Variants in PATJ observed in about 807,000 individuals in gnomAD.
PATJ encodes the protein inaD-like protein.
Under a neutral mutation model 224.9 loss-of-function variants are expected in PATJ, and 190 were observed. The observed-to-expected ratio is 0.84, with a 90% CI of 0.75 to 0.95. The LOEUF is 0.95. Ranked by LOEUF, PATJ falls within the 40% of genes least tolerant of loss-of-function variation. The pLI is 0.00. For missense variants in PATJ, 2,121 were observed against 2,270.3 expected, an observed-to-expected ratio of 0.93 and a Z score of 1.34; for synonymous variants, 769 against 820.3, an observed-to-expected ratio of 0.94 and a Z score of 1.07.
At chr1:62,000,109 G>A (rs934295599) in intron 28 of PATJ, among the ~76,000 whole-genome samples, 12 of 151,848 alleles carry the variant, frequency 7.9e-5, no homozygotes, top group East Asian at 1.9e-4. Context: ...GGCTGGTCTC[G>A]AACTCCTGAC....
chr1:61,870,433 C>T (rs964686427), intron 20 of PATJ, among the ~76,000 whole-genome samples: 2 of 152,032 alleles, frequency 1.3e-5, no homozygotes, highest in African/African-American at 2.4e-5. Context: ...TAGAGCAGGG[C>T]GAGGGCATGG....
At chr1:62,058,459 C>A (rs1050093021) in intron 31 of PATJ, among the ~76,000 whole-genome samples, 7 of 152,152 alleles carry the variant, frequency 4.6e-5, no homozygotes, top group Non-Finnish European at 1.0e-4. Flanking sequence ...ACTTGCTTTT[C>A]CAGATGAAAA....
intron 27 of PATJ, among the ~76,000 whole-genome samples, chr1:61,959,668 C>G (rs1427444064): frequency 6.6e-6 from 1 of 151,800 alleles, no homozygotes; most frequent in Non-Finnish European, 1.5e-5. Context: ...TCTCAAACTC[C>G]TGGACTCAAG....
At chr1:62,094,323 C>A (rs927606077) in intron 33 of PATJ, among the ~76,000 whole-genome samples, 6 of 152,206 alleles carry the variant, frequency 3.9e-5, no homozygotes, top group Admixed American at 3.9e-4. Flanking sequence ...AAGTCTGGGA[C>A]CTCAAAGCTA....
At chr1:61,889,604 A>T (rs1453085761) in intron 22 of PATJ, among the ~76,000 whole-genome samples, 1 of 152,194 alleles carries the variant, frequency 6.6e-6, no homozygotes, top group African/African-American at 2.4e-5. Flanking sequence ...AATCAAATAG[A>T]TCAGTACTGC....
intron 27 of PATJ, among the ~76,000 whole-genome samples, chr1:61,942,761 G>A (rs1678008179): frequency 6.6e-6 from 1 of 152,040 alleles, no homozygotes; most frequent in Admixed American, 6.6e-5. Flanking sequence ...GTGTTGGCCA[G>A]GCTGGTGGAA....
At chr1:62,140,188 C>T (rs561346800) in intron 41 of PATJ, among the ~76,000 whole-genome samples, 12 of 152,254 alleles carry the variant, frequency 7.9e-5, no homozygotes, top group East Asian at 3.9e-4. Flanking sequence ...TAGGCAGAAG[C>T]GTGGACAACC....
chr1:61,800,630 TGCA>T (rs774152437), intron 11 of PATJ, among the ~76,000 whole-genome samples: 4 of 152,218 alleles, frequency 2.6e-5, no homozygotes, highest in Non-Finnish European at 5.9e-5. Context: ...GTGCACAACG[TGCA>T]GGTTTGTTAC....
chr1:62,040,234 G>A (rs1306620582), intron 30 of PATJ, among the ~76,000 whole-genome samples: 1 of 151,120 alleles, frequency 6.6e-6, no homozygotes, highest in Non-Finnish European at 1.5e-5. Context: ...TCAGCCTCCC[G>A]AGTAGCTGGG....
chr1:62,101,268 T>C (rs935477421), intron 33 of PATJ, among the ~76,000 whole-genome samples: 20 of 148,688 alleles, frequency 1.3e-4, no homozygotes, highest in African/African-American at 4.7e-4. Context: ...TCTTTTTTTT[T>C]TTTTTTTTTT....
chr1:62,133,597 A>G (rs1308051077), intron 41 of PATJ, among the ~76,000 whole-genome samples: 3 of 152,176 alleles, frequency 2.0e-5, no homozygotes, highest in African/African-American at 7.2e-5. Flanking sequence ...AGAATAGAAA[A>G]GAACCAAGAA....
intron 14 of PATJ, among the ~76,000 whole-genome samples, chr1:61,811,929 C>T (rs558611256): frequency 2.0e-5 from 3 of 151,386 alleles, no homozygotes; most frequent in East Asian, 2.0e-4. Flanking sequence ...GGCGTGGTGG[C>T]GGGCGCCTGT....
chr1:62,000,816 A>G (rs1275957577), intron 28 of PATJ, among the ~76,000 whole-genome samples: 4 of 151,248 alleles, frequency 2.6e-5, no homozygotes, highest in Admixed American at 1.3e-4. Context: ...TCCCACCAAC[A>G]GTGTAAAAGT....
At chr1:61,871,483 G>GCGTATATATATA (rs1362256521) in intron 20 of PATJ, among the ~76,000 whole-genome samples, 2 of 100,070 alleles carry the variant, frequency 2.0e-5, no homozygotes, top group East Asian at 2.3e-4. Context: ...ACATATATAT[G>GCGTATATATATA]TGTATATATG....
At chr1:61,995,642 T>C (rs563945643) in intron 28 of PATJ, among the ~76,000 whole-genome samples, 1 of 152,316 alleles carries the variant, frequency 6.6e-6, no homozygotes, top group African/African-American at 2.4e-5. Flanking sequence ...AAAGAAATTT[T>C]ACATTAAGCC....
chr1:62,054,627 G>A (rs1464945898), intron 31 of PATJ, among the ~76,000 whole-genome samples: 2 of 152,110 alleles, frequency 1.3e-5, no homozygotes, highest in African/African-American at 4.8e-5. Context: ...GGAAGTGTCT[G>A]GTATCTATTT....
Position 61,826,252 on chromosome 1 carries a change from C to T in PATJ, c.1819-1170C>T, listed in dbSNP as rs189012469. ...GGAATAGTGGACCTGAGACTCAGCC[C>T]GCTGCTGAAGGTTTCCAGCAACCCA... On this transcript the variant is annotated intron_variant, in intron 15 of 43. Coordinates refer to ENST00000642238, the MANE Select transcript of PATJ (RefSeq NM_001350145.3). 1.4e-4 allele frequency among the ~76,000 whole-genome samples: 21 copies of T among 152,268 alleles called. No homozygotes were observed. The East Asian group carries it at 1.7e-3, about 13-fold the overall frequency.
chr1:61,989,538 C>T (rs568510902), intron 27 of PATJ, among the ~76,000 whole-genome samples: 7 of 152,116 alleles, frequency 4.6e-5, no homozygotes, highest in East Asian at 3.9e-4. Context: ...CCTACTGGAC[C>T]GTAAGTCCTA....
intron 29 of PATJ, among the ~76,000 whole-genome samples, chr1:62,036,122 A>G (rs552421144): frequency 1.3e-5 from 2 of 152,274 alleles, no homozygotes; most frequent in South Asian, 4.1e-4. Flanking sequence ...CTTGATCCTA[A>G]GTGCATTAAG....
Sources: allele counts gnomAD v4.1 joint callset (sites outside exome capture counted in the v4.1 genomes callset), GRCh38; gene constraint gnomAD v4.1.1; transcripts MANE v1.5; gene names NCBI Gene and HGNC (gene_info 2026-07-23, HGNC 2026-07-21).